Variants in SYNCRIP observed in about 807,000 individuals in gnomAD.
The protein encoded by SYNCRIP is heterogeneous nuclear ribonucleoprotein Q.
SYNCRIP carries 9 observed loss-of-function variants against 68.9 expected under a neutral mutation model. The observed-to-expected ratio is 0.13, with a 90% CI of 0.08 to 0.23. The LOEUF (loss-of-function observed/expected upper bound fraction) is 0.23, where lower values mean the gene tolerates loss of function less well. SYNCRIP is among the 10% of genes least tolerant of loss of function. SYNCRIP has a pLI of 1.00. For synonymous variants in SYNCRIP, 258 were observed against 254.0 expected (o/e 1.02, Z -0.15); for missense variants, 414 against 770.6 (o/e 0.54, Z 5.48).
At chr6:85,611,906 T>A (rs1012287037), downstream of SYNCRIP, 3 of 152,562 alleles carry the variant, frequency 2.0e-5, no homozygotes, top group Non-Finnish European at 4.4e-5. Flanking sequence ...TGTACAATTG[T>A]CAGTTTTAGT....
chr6:85,614,383 T>G lies in SYNCRIP; in HGVS notation c.*373A>C. On this transcript the variant is annotated 3_prime_UTR_variant, in exon 11 of 11. Coordinates refer to ENST00000369622, the MANE Select transcript of SYNCRIP (RefSeq NM_006372.5). ...AAGTTGGTAACATACAAAGTTATTC[T>G]GATACAAGATATTAAAGACACACTT... 6.0e-6 allele frequency: 6 copies of G among 996,944 alleles called. No individual in the cohort carries two copies. Among genetic ancestry groups the G allele is most frequent in the Non-Finnish European group, 7.2e-6 (6 of 837,832 alleles). The allele number at this position is 996,944 out of a possible 1,614,324, so 61.8% of individuals were successfully genotyped here. A position where few individuals can be genotyped will look rare whatever the true frequency, so the allele number is the denominator to read the frequency against.
rs142863428 is a variant in SYNCRIP, at chr6:85,632,388, T to C, written c.666+4579A>G. Among the ~76,000 whole-genome samples the C allele has an allele frequency of 1.3e-3, 200 of 152,300 alleles. 1 individual carries two copies. Among genetic ancestry groups the C allele is most frequent in the African/African-American group, 4.4e-3 (184 of 41,552 alleles). On this transcript the variant is annotated intron_variant, in intron 6 of 10. Coordinates refer to ENST00000369622, the MANE Select transcript of SYNCRIP (RefSeq NM_006372.5). The stretch of plus-strand genomic sequence containing the variant: ...ACTTCAATTAAAAACTCACTTTGGA[T>C]AGAACTGTAACAAGTAGAATCTCAA...
At chr6:85,634,165 A>G (rs1279878169) in intron 6 of SYNCRIP, among the ~76,000 whole-genome samples, 1 of 152,192 alleles carries the variant, frequency 6.6e-6, no homozygotes, top group Non-Finnish European at 1.5e-5. Context: ...CAGCAATGCA[A>G]TTTTATAATT....
At chr6:85,628,171 T>A (rs2128291513) in intron 6 of SYNCRIP, among the ~76,000 whole-genome samples, 1 of 152,286 alleles carries the variant, frequency 6.6e-6, no homozygotes, top group Admixed American at 6.5e-5. Flanking sequence ...TTCTCCTGCC[T>A]CAGCCTCCCT....
At position 85,614,852 on chromosome 6, in the gene SYNCRIP, C is replaced by T. The variant is rs199509715; in HGVS notation, c.1776G>A (p.Gln592=). The change falls in exon 11 of 11, where the codon CAG becomes CAA. Residue 592 remains glutamine, a synonymous_variant. Coordinates refer to ENST00000369622, the MANE Select transcript of SYNCRIP (RefSeq NM_006372.5). ...AATGATCACCACCTTGGAGCGGTTG[C>T]TGAGCAATGGGTTGGGAGCCCCAGT... ...NQNWGSQPIA[Q]QPLQGGDHSG... is the part of the protein sequence containing the mutation. 377 of 1,614,048 alleles carry T rather than the reference C, an allele frequency of 2.3e-4. No homozygotes were observed. Among genetic ancestry groups the T allele is most frequent in the Non-Finnish European group, 3.1e-4 (363 of 1,180,040 alleles).
In SYNCRIP at chr6:85,641,349, G is replaced by A; in HGVS notation, c.91C>T (p.Leu31Phe). 1 of 1,612,622 alleles carries A rather than the reference G, an allele frequency of 6.2e-7. No individual in the cohort carries two copies. The highest frequency in any genetic ancestry group is 8.5e-7 in the Non-Finnish European group (1 of 1,179,950). Residue 31 changes from leucine to phenylalanine, a missense_variant, in exon 2 of 11, where the codon CTT becomes TTT. Transcript: ENST00000369622. ...ACTTTCTGTGGTAAACCAGCATCAA[G>A]CAATGTCTGAAAATTTTCTGAATGG... ...VIHSENFQTL[L>F]DAGLPQKVAE...
chr6:85,640,200 AG>A lies in SYNCRIP; in HGVS notation c.375+20del. 6.6e-7 allele frequency: 1 copy of A among 1,523,700 alleles called. No homozygotes were observed. The highest frequency in any genetic ancestry group is 9.1e-7 in the Non-Finnish European group (1 of 1,101,736). 94.4% of individuals were successfully genotyped at this position (1,523,700 alleles called of 1,614,324 possible). A position where few individuals can be genotyped will look rare whatever the true frequency, so the allele number is the denominator to read the frequency against. On this transcript the variant is annotated intron_variant, in intron 4 of 10. Transcript: ENST00000369622. Reference sequence around the variant, plus strand: ...ACAGTTAAAATGACTTTAAAACTAAAGGGAGTATAGAAAGACATACCTTAAT... The same window carrying A: ...ACAGTTAAAATGACTTTAAAACTAAAGGAGTATAGAAAGACATACCTTAAT...
chr6:85,610,400 CTTCT>C (rs767115669), downstream of SYNCRIP: 5 of 151,970 alleles, frequency 3.3e-5, no homozygotes, highest in South Asian at 4.1e-4. Flanking sequence ...TTACATTACC[CTTCT>C]TTAAGTATAA....
In SYNCRIP at chr6:85,641,402, T is replaced by C; in HGVS notation, c.38A>G (p.Glu13Gly). 6.2e-7 allele frequency: 1 copy of C among 1,613,736 alleles called. No homozygotes were observed. Among genetic ancestry groups the C allele is most frequent in the Non-Finnish European group, 8.5e-7 (1 of 1,180,002 alleles). ...TEHVNGNGTE[E>G]PMDTTSAVIH... Reference sequence around the variant, plus strand: ...AACTGCAGAAGTAGTATCCATGGGCTCTTCAGTACCATTTCCATTAACATG... The same window carrying C: ...AACTGCAGAAGTAGTATCCATGGGCCCTTCAGTACCATTTCCATTAACATG... The change falls in exon 2 of 11, where the codon GAG becomes GGG. Residue 13 changes from glutamate to glycine, a missense_variant. Glu to Gly is a moderately conservative substitution (Grantham distance 98, BLOSUM62 -2). Transcript: ENST00000369622.
chr6:85,631,339 C>CAAAAAAAAAA lies in SYNCRIP; in HGVS notation c.666+5618_666+5627dup, dbSNP rs71003000. On this transcript the variant is annotated intron_variant, in intron 6 of 10. Coordinates refer to ENST00000369622, the MANE Select transcript of SYNCRIP (RefSeq NM_006372.5). ...GGGTGACAAAGCATGACTGTGTCTC[C>CAAAAAAAAAA]AAAAAAAAAAAAAAAAGGCCATGGC... 2.6e-4 allele frequency among the ~76,000 whole-genome samples: 24 copies of CAAAAAAAAAA among 91,794 alleles called. 1 individual carries two copies. Among genetic ancestry groups the CAAAAAAAAAA allele is most frequent in the African/African-American group, 1.1e-3 (22 of 20,110 alleles). The allele number at this position is 91,794 out of a possible 152,430, so 60.2% of individuals were successfully genotyped here. A position where few individuals can be genotyped will look rare whatever the true frequency, so the allele number is the denominator to read the frequency against.
At chr6:85,618,623 T>C (rs1241796810) in intron 10 of SYNCRIP, among the ~76,000 whole-genome samples, 195 bp downstream of exon 10, 1 of 152,184 alleles carries the variant, frequency 6.6e-6, no homozygotes, top group Non-Finnish European at 1.5e-5. Flanking sequence ...ATTCTGATTA[T>C]TTTCACAAAT....
chr6:85,621,913 T>C (rs1338729556), intron 8 of SYNCRIP, among the ~76,000 whole-genome samples: 1 of 152,006 alleles, frequency 6.6e-6, no homozygotes, highest in Non-Finnish European at 1.5e-5. Context: ...GTCTACAGCA[T>C]GTAGGCGACT....
Position 85,641,324 on chromosome 6 carries a change from A to G in SYNCRIP, c.116T>C (p.Val39Ala). ...TLLDAGLPQK[V>A]AEKLDEIYVA... The stretch of plus-strand genomic sequence containing the variant: ...GTAAATTTCATCTAGTTTTTCAGCA[A>G]CTTTCTGTGGTAAACCAGCATCAAG... The change falls in exon 2 of 11, where the codon GTT becomes GCT. Residue 39 changes from valine (V) to alanine (A), a missense_variant. Coordinates refer to ENST00000369622, the MANE Select transcript of SYNCRIP (RefSeq NM_006372.5). 1 of 1,611,938 alleles carries G rather than the reference A, an allele frequency of 6.2e-7. No individual in the cohort carries two copies. The highest frequency in any genetic ancestry group is 8.5e-7 in the Non-Finnish European group (1 of 1,179,992).
At chr6:85,634,299 A>G (rs1372537197) in intron 6 of SYNCRIP, among the ~76,000 whole-genome samples, 3 of 152,248 alleles carry the variant, frequency 2.0e-5, no homozygotes, top group Non-Finnish European at 4.4e-5. Flanking sequence ...TCTTTACTGT[A>G]AAGTTTCTGG....
At chr6:85,609,038 A>G (rs1805041406), downstream of SYNCRIP, 1 of 151,828 alleles carries the variant, frequency 6.6e-6, no homozygotes, top group South Asian at 2.1e-4. Flanking sequence ...CAATATCCCC[A>G]CAAGTCTGTT....
downstream of SYNCRIP, chr6:85,610,228 A>G (rs948137677): frequency 5.3e-5 from 8 of 151,948 alleles, no homozygotes; most frequent in Admixed American, 4.6e-4. Context: ...CACTACATGC[A>G]TATTTAGCTC....
Position 85,615,286 on chromosome 6 carries a change from G to A in SYNCRIP, c.1342C>T (p.Arg448Cys). The A allele has an allele frequency of 6.3e-7, 1 of 1,583,250 alleles. No individual in the cohort carries two copies. ...TATCCATAACCACCTCTACCTCCACGCCCTCGACCTCTTGTTGGAGGGGGC... is the reference window on the plus strand; with the variant it reads ...TATCCATAACCACCTCTACCTCCACACCCTCGACCTCTTGTTGGAGGGGGC... ...HMPPPTRGRG[R>C]GGRGGYGYPP... is the part of the protein sequence containing the mutation. Residue 448 changes from arginine to cysteine, a missense_variant, in exon 11 of 11, where the codon CGT becomes TGT. Physicochemically the swap from Arg to Cys is radical, Grantham distance 180. This residue lies in a region of SYNCRIP where 72 missense variants were observed against 119.8 expected (regional missense o/e 0.60). Coordinates refer to ENST00000369622, the MANE Select transcript of SYNCRIP (RefSeq NM_006372.5).
downstream of SYNCRIP, chr6:85,608,306 T>C (rs1804985932): frequency 6.6e-6 from 1 of 152,056 alleles, no homozygotes; most frequent in Non-Finnish European, 1.5e-5. Flanking sequence ...CCCACAATAA[T>C]TCTTGGACTC....
chr6:85,640,110 T>C lies in SYNCRIP; in HGVS notation c.375+111A>G, dbSNP rs867837428. ...AAAAAAAGGAATTAGGAAAGATTGA[T>C]GAATTATCTCAACATCTAACATACA... On this transcript the variant is annotated intron_variant, in intron 4 of 10. Coordinates refer to ENST00000369622, the MANE Select transcript of SYNCRIP (RefSeq NM_006372.5). The C allele has an allele frequency of 9.5e-6, 7 of 739,536 alleles. No individual in the cohort carries two copies. In the African/African-American group the frequency reaches 1.1e-4, roughly 11 times the overall value. 45.8% of individuals were successfully genotyped at this position (739,536 alleles called of 1,614,324 possible). A position where few individuals can be genotyped will look rare whatever the true frequency, so the allele number is the denominator to read the frequency against.
Sources: allele counts gnomAD v4.1 joint callset (sites outside exome capture counted in the v4.1 genomes callset), GRCh38; gene constraint gnomAD v4.1.1; regional missense constraint gnomAD v4.1.1; transcripts MANE v1.5; gene names NCBI Gene and HGNC (gene_info 2026-07-23, HGNC 2026-07-21).